Variants in CD44 observed in about 807,000 individuals in gnomAD.
The protein encoded by CD44 is CD44 antigen.
In CD44, 49 loss-of-function variants were observed where a neutral mutation model predicts 88.8. That is an observed-to-expected ratio of 0.55 (90% CI 0.44 to 0.70). CD44 has a LOEUF of 0.70. Among genes scored for constraint, CD44 ranks in the 30% least tolerant of loss-of-function variants. CD44 has a pLI of 0.00. For missense variants in CD44, 883 were observed against 913.8 expected (o/e 0.97, Z 0.43); for synonymous variants, 325 against 312.3 (o/e 1.04, Z -0.43).
At chr11:35,194,204 A>C (rs1946526337) in intron 5 of CD44, among the ~76,000 whole-genome samples, 1 of 152,212 alleles carries the variant, frequency 6.6e-6, no homozygotes, top group Non-Finnish European at 1.5e-5. Context: ...CAGTTTGAAG[A>C]ATGAGTAGCA....
chr11:35,181,523 T>C (rs180714620), intron 3 of CD44, among the ~76,000 whole-genome samples: 46 of 151,402 alleles, frequency 3.0e-4, no homozygotes, highest in Admixed American at 3.0e-3. Context: ...TGAAGTTGGG[T>C]GAAGGGAAAG....
chr11:35,222,268 A>G, intron 17 of CD44: 1 of 491,556 alleles, frequency 2.0e-6, no homozygotes, highest in Non-Finnish European at 3.8e-6. Flanking sequence ...AGAAGGAAGT[A>G]TTGGCCTTGT....
In CD44 at chr11:35,221,537, C is replaced by A. The variant is rs1047663472; in HGVS notation, c.1946-117C>A. 4.9e-5 allele frequency: 41 copies of A among 837,552 alleles called. No homozygotes were observed. In the African/African-American group the frequency reaches 5.5e-4, roughly 11 times the overall value. The allele number at this position is 837,552 out of a possible 1,614,324, so 51.9% of individuals were successfully genotyped here. A position where few individuals can be genotyped will look rare whatever the true frequency, so the allele number is the denominator to read the frequency against. Reference sequence around the variant, plus strand: ...TATTGGCTGGACCTATTGGCCAGACCCCCCTGCAGCGCTGACTGTGGTGCT... The same window carrying A: ...TATTGGCTGGACCTATTGGCCAGACACCCCTGCAGCGCTGACTGTGGTGCT... On this transcript the variant is annotated intron_variant, in intron 16 of 17. Transcript: ENST00000428726.
At chr11:35,139,628 G>A (rs1857499385) in intron 1 of CD44, 3 of 734,420 alleles carry the variant, frequency 4.1e-6, no homozygotes, top group Non-Finnish European at 7.5e-6. Context: ...CGCAGTTTTG[G>A]GCGAGGTCGC....
chr11:35,206,294 T>G, intron 11 of CD44, 51 bp downstream of exon 11: 1 of 1,522,732 alleles, frequency 6.6e-7, no homozygotes, highest in South Asian at 1.3e-5. Flanking sequence ...ATCCACTGAG[T>G]GACTGCTGAC....
At chr11:35,225,338 A>G (rs1949624378) in intron 17 of CD44, among the ~76,000 whole-genome samples, 1 of 152,202 alleles carries the variant, frequency 6.6e-6, no homozygotes. Context: ...CTGCCATGCC[A>G]TAAAAGTATG....
At chr11:35,202,784 G>A (rs556478212) in intron 9 of CD44, among the ~76,000 whole-genome samples, 35 of 152,288 alleles carry the variant, frequency 2.3e-4, no homozygotes, top group Non-Finnish European at 4.1e-4. Context: ...AACCCCAGTA[G>A]GTGTGTTGTA....
At position 35,231,871 on chromosome 11, in the gene CD44, T is replaced by C. The variant is rs1950075669; in HGVS notation, c.*2538T>C. 6.6e-6 allele frequency: 1 copy of C among 152,244 alleles called. No individual in the cohort carries two copies. The allele number at this position is 152,244 out of a possible 1,614,324, so 9.4% of individuals were successfully genotyped here. On this transcript the variant is annotated 3_prime_UTR_variant, in exon 18 of 18. Coordinates refer to ENST00000428726, the MANE Select transcript of CD44 (RefSeq NM_000610.4). Reference sequence around the variant, plus strand: ...TTTTCTTGCAATTGTAAATCTTTTGTGTCTCCTGAAGACTTCCCTTAAAAT... The same window carrying C: ...TTTTCTTGCAATTGTAAATCTTTTGCGTCTCCTGAAGACTTCCCTTAAAAT...
intron 3 of CD44, among the ~76,000 whole-genome samples, chr11:35,181,886 C>T (rs1384619911): frequency 1.1e-4 from 6 of 53,804 alleles, no homozygotes; most frequent in South Asian, 8.4e-4. Context: ...ATATATAATT[C>T]TATATATAAT....
At chr11:35,168,839 A>C (rs938379611) in intron 1 of CD44, among the ~76,000 whole-genome samples, 2 of 152,186 alleles carry the variant, frequency 1.3e-5, no homozygotes, top group African/African-American at 4.8e-5. Context: ...CATGTTCCCT[A>C]GGAGATCTGG....
intron 3 of CD44, among the ~76,000 whole-genome samples, chr11:35,183,560 A>T (rs1232546345): frequency 6.6e-6 from 1 of 152,200 alleles, no homozygotes; most frequent in East Asian, 1.9e-4. Flanking sequence ...TCCCCCCCAT[A>T]AAACGGCTAC....
At chr11:35,204,226 T>C (rs988025334) in intron 9 of CD44, among the ~76,000 whole-genome samples, 1 of 152,184 alleles carries the variant, frequency 6.6e-6, no homozygotes, top group Non-Finnish European at 1.5e-5. Flanking sequence ...AAAATAATAA[T>C]AACTCATAGA....
At chr11:35,156,463 G>A (rs893292289) in intron 1 of CD44, among the ~76,000 whole-genome samples, 2 of 152,212 alleles carry the variant, frequency 1.3e-5, no homozygotes, top group African/African-American at 2.4e-5. Context: ...AATGATGAAC[G>A]ATCTAAAGGA....
At chr11:35,224,683 A>T (rs1185329251) in intron 17 of CD44, among the ~76,000 whole-genome samples, 2 of 152,166 alleles carry the variant, frequency 1.3e-5, no homozygotes, top group Non-Finnish European at 1.5e-5. Flanking sequence ...GGCAGCAGTG[A>T]GCCATGATAG....
chr11:35,196,689 T>C, intron 5 of CD44, 57 bp from the exon 6 acceptor site: 3 of 1,572,058 alleles, frequency 1.9e-6, no homozygotes, highest in Non-Finnish European at 2.6e-6. Flanking sequence ...TTCAATGCTA[T>C]TTCTTAGGAA....
intron 1 of CD44, among the ~76,000 whole-genome samples, chr11:35,173,823 T>C (rs1944166462): frequency 6.6e-6 from 1 of 152,176 alleles, no homozygotes; most frequent in Non-Finnish European, 1.5e-5. Context: ...AACAGTTGTT[T>C]AGGTGTGCCT....
chr11:35,179,295 C>T (rs564763531), intron 2 of CD44, among the ~76,000 whole-genome samples: 5 of 152,334 alleles, frequency 3.3e-5, no homozygotes, highest in South Asian at 4.1e-4. Context: ...TTAGCTTCCT[C>T]CTCTCTGCCC....
chr11:35,152,838 G>C (rs541125608), intron 1 of CD44, among the ~76,000 whole-genome samples: 1 of 152,270 alleles, frequency 6.6e-6, no homozygotes, highest in African/African-American at 2.4e-5. Context: ...AGCTCTCAGT[G>C]CCCTTGCTGG....
rs748876826 is a variant in CD44 at position 35,186,947 on chromosome 11, A to G, written c.436+47A>G. On this transcript the variant is annotated intron_variant, in intron 4 of 17. Coordinates refer to ENST00000428726, the MANE Select transcript of CD44 (RefSeq NM_000610.4). Reference sequence around the variant, plus strand: ...AATTAAATTTTCCTATTTTGGGGAAAGGGCTCAGGTGTGTTCTCTGTGGTA... The same window carrying G: ...AATTAAATTTTCCTATTTTGGGGAAGGGGCTCAGGTGTGTTCTCTGTGGTA... 5 of 1,132,824 alleles carry G rather than the reference A, an allele frequency of 4.4e-6. No individual in the cohort carries two copies. In the African/African-American group the frequency reaches 7.7e-5, roughly 17 times the overall value. The allele number at this position is 1,132,824 out of a possible 1,614,324, so 70.2% of individuals were successfully genotyped here.
Sources: gnomAD v4.1 joint callset for allele counts (sites outside exome capture counted in the v4.1 genomes callset) on GRCh38, gnomAD v4.1.1 for gene constraint, MANE v1.5 for transcripts, NCBI Gene and HGNC (gene_info 2026-07-23, HGNC 2026-07-21) for gene names.